Variants in DYNC2H1 observed in about 807,000 individuals in gnomAD.
DYNC2H1 encodes the protein cytoplasmic dynein 2 heavy chain 1.
Under a neutral mutation model 570.0 loss-of-function variants are expected in DYNC2H1, and 410 were observed. That is an observed-to-expected ratio of 0.72 (90% confidence interval 0.66 to 0.78). The LOEUF (loss-of-function observed/expected upper bound fraction) is 0.78. DYNC2H1 is among the 30% of genes least tolerant of loss of function. DYNC2H1 has a pLI of 0.00. For missense variants in DYNC2H1, 4,865 were observed against 5,046.4 expected (o/e 0.96, Z 1.09); for synonymous variants, 1,688 against 1,677.6 (o/e 1.01, Z -0.15).
At chr11:103,473,388 G>A (rs4754942) in intron 88 of DYNC2H1, among the ~76,000 whole-genome samples, 24,603 of 150,048 alleles carry the variant, frequency 0.16, 2,160 homozygotes, top group Admixed American at 0.25. Flanking sequence ...GTTCCAGTTC[G>A]GTGCAGTATT....
In DYNC2H1 at chr11:103,189,561, G is replaced by A; in HGVS notation, c.7293-111G>A. ...CCCCCTGGGTAAGCTTTGGAGATAT[G>A]TAGGTCTTAGAGCAGCACAGTTTCA... On this transcript the variant is annotated intron_variant, in intron 44 of 88. Coordinates refer to ENST00000375735, the MANE Select transcript of DYNC2H1 (RefSeq NM_001377.3). This position sits in a 1 kb window ranked among gnomAD's most constrained non-coding sequence, Gnocchi z 4.3. 9.8e-7 allele frequency: 1 copy of A among 1,021,874 alleles called. No homozygotes were observed. Among genetic ancestry groups the A allele is most frequent in the Non-Finnish European group, 1.4e-6 (1 of 698,158 alleles). 63.3% of individuals were successfully genotyped at this position (1,021,874 alleles called of 1,614,324 possible).
At chr11:103,182,002 G>A (rs1591370924) in intron 40 of DYNC2H1, 116 bp downstream of exon 40, 2 of 1,122,014 alleles carry the variant, frequency 1.8e-6, no homozygotes, top group East Asian at 5.4e-5. Flanking sequence ...GAGGTGAGAG[G>A]TGGATTTTGT....
At chr11:103,144,879 AT>A (rs1488762109) in intron 18 of DYNC2H1, among the ~76,000 whole-genome samples, 27 of 12,780 alleles carry the variant, frequency 2.1e-3, no homozygotes, top group South Asian at 0.017. Flanking sequence ...AATAATGATA[AT>A]TAGTTATTTT....
intron 70 of DYNC2H1, among the ~76,000 whole-genome samples, chr11:103,267,382 T>A (rs182672791): frequency 8.2e-4 from 123 of 150,232 alleles, no homozygotes; most frequent in Middle Eastern, 3.4e-3. Flanking sequence ...TGCCTTCCAC[T>A]CTGTATATTT....
At chr11:103,335,936 T>C (rs1356163828) in intron 82 of DYNC2H1, among the ~76,000 whole-genome samples, 1 of 152,172 alleles carries the variant, frequency 6.6e-6, no homozygotes, top group Admixed American at 6.5e-5. Flanking sequence ...ATCACATCTT[T>C]AGAAAGTTAC....
At chr11:103,475,695 G>A (rs1465170950) in intron 88 of DYNC2H1, among the ~76,000 whole-genome samples, 3 of 152,078 alleles carry the variant, frequency 2.0e-5, no homozygotes, top group South Asian at 4.1e-4. Context: ...TTGTACCCTG[G>A]CTGTAAGACA....
Position 103,222,015 on chromosome 11 carries a change from A to G in DYNC2H1, c.9108-15A>G. The G allele has an allele frequency of 6.2e-7, 1 of 1,602,498 alleles. No individual in the cohort carries two copies. The highest frequency in any genetic ancestry group is 1.3e-5 in the African/African-American group (1 of 74,370). On this transcript the variant is annotated splice_polypyrimidine_tract_variant and intron_variant, in intron 57 of 88. Transcript: ENST00000375735. ...TTTATTTAGCCTCATTTAAGGAAAT[A>G]TGCTTTAATTTTAGTTTCCTTGCAA... is the stretch of plus-strand genomic sequence containing the variant.
intron 83 of DYNC2H1, among the ~76,000 whole-genome samples, chr11:103,391,017 G>A (rs1942123423): frequency 1.3e-5 from 2 of 152,106 alleles, no homozygotes. Context: ...GGCATTCTCT[G>A]TATTTCCTGA....
At chr11:103,296,422 T>C (rs1459731913) in intron 75 of DYNC2H1, among the ~76,000 whole-genome samples, 1 of 152,196 alleles carries the variant, frequency 6.6e-6, no homozygotes, top group Non-Finnish European at 1.5e-5. Flanking sequence ...TGGATAAACA[T>C]GGTGAGTAAT....
rs1380158110 is a variant in DYNC2H1 at position 103,109,617 on chromosome 11, A to C, written c.43A>C (p.Thr15Pro). 3 of 1,613,060 alleles carry C rather than the reference A, an allele frequency of 1.9e-6. No homozygotes were observed. In the African/African-American group the frequency reaches 4.0e-5, roughly 22 times the overall value. The change falls in exon 1 of 89, where the codon ACT (threonine) becomes CCT (proline). Residue 15 changes from threonine to proline, a missense_variant. By Grantham distance (38) the Thr-to-Pro change is conservative. Transcript: ENST00000375735. ...GGACGTTCGGAAGCTCTTCATCTTC[A>C]CTACTACCCAGAATTACTTCGGGTT... ...TADVRKLFIF[T>P]TTQNYFGLMS...
Position 103,152,159 on chromosome 11 carries a change from T to C in DYNC2H1, c.2970T>C (p.Ala990=). Residue 990 remains alanine, a synonymous_variant, in exon 21 of 89, where the codon GCT becomes GCC. Transcript: ENST00000375735. ...AGATTTTGCCCTTATTTCAAGAAGC[T>C]GAAGACAAAAACAGACTTTTACGAA... ...KPEILPLFQE[A]EDKNRLLRTV... is the part of the protein sequence containing the mutation. 1.2e-6 allele frequency: 2 copies of C among 1,606,876 alleles called. No homozygotes were observed. The highest frequency in any genetic ancestry group is 8.5e-7 in the Non-Finnish European group (1 of 1,177,322).
At chr11:103,333,878 C>T (rs1022643121) in intron 82 of DYNC2H1, among the ~76,000 whole-genome samples, 2 of 152,060 alleles carry the variant, frequency 1.3e-5, no homozygotes, top group African/African-American at 4.8e-5. Context: ...ATGTTGAAAA[C>T]ATCTGTAATA....
chr11:103,310,892 G>A (rs1196360255), intron 78 of DYNC2H1, among the ~76,000 whole-genome samples: 2 of 150,958 alleles, frequency 1.3e-5, no homozygotes, highest in Non-Finnish European at 3.0e-5. Context: ...TAGTAGAGGC[G>A]GGTTTCACCA....
intron 47 of DYNC2H1, among the ~76,000 whole-genome samples, chr11:103,194,905 A>C (rs896801311): frequency 2.6e-5 from 4 of 151,592 alleles, no homozygotes; most frequent in African/African-American, 4.9e-5. Context: ...TTTAGTAGAG[A>C]CGCGGTTTCA....
intron 63 of DYNC2H1, among the ~76,000 whole-genome samples, chr11:103,240,014 A>T (rs1297963324): frequency 1.4e-5 from 2 of 144,708 alleles, no homozygotes; most frequent in Non-Finnish European, 3.0e-5. Flanking sequence ...ATCAGCCTTT[A>T]ACTAAATTCA....
rs1366586088 is a variant in DYNC2H1 at position 103,203,031 on chromosome 11, G to A, written c.8198-632G>A. Among the ~76,000 whole-genome samples, 2 of 152,012 alleles carry A rather than the reference G, an allele frequency of 1.3e-5. No homozygotes were observed. Among genetic ancestry groups the A allele is most frequent in the East Asian group, 1.9e-4 (1 of 5,186 alleles). ...TTCATCTTTTCATTCATTCATTTAT[G>A]TAAAACATATTTTTGTTCTAGATAC... is the stretch of plus-strand genomic sequence containing the variant. On this transcript the variant is annotated intron_variant, in intron 50 of 88. Transcript: ENST00000375735. The surrounding 1 kb of genome is among the most constrained non-coding windows in gnomAD (Gnocchi z 4.7).
chr11:103,337,869 G>C (rs1939228526), intron 82 of DYNC2H1, among the ~76,000 whole-genome samples: 1 of 152,088 alleles, frequency 6.6e-6, no homozygotes, highest in South Asian at 2.1e-4. Flanking sequence ...CTGTGCAGAA[G>C]CTTTTTAGCT....
intron 70 of DYNC2H1, among the ~76,000 whole-genome samples, chr11:103,263,145 G>A (rs1591491871): frequency 6.6e-6 from 1 of 151,574 alleles, no homozygotes; most frequent in African/African-American, 2.4e-5. Context: ...TCAATGCAAC[G>A]AGAAGAGCTA....
Position 103,115,254 on chromosome 11 carries a change from A to G in DYNC2H1, c.580A>G (p.Arg194Gly), listed in dbSNP as rs1858325777. Residue 194 changes from arginine to glycine, a missense_variant, in exon 4 of 89, where the codon AGA (arginine) becomes GGA (glycine). Coordinates refer to ENST00000375735, the MANE Select transcript of DYNC2H1 (RefSeq NM_001377.3). ...HRGNKQISKE[R>G]ANYFKELFET... ...TGGAAATAAACAGATTAGTAAAGAA[A>G]GAGCCAATTATTTTAAAGAATTATT... is the stretch of plus-strand genomic sequence containing the variant. 1.9e-6 allele frequency: 3 copies of G among 1,605,552 alleles called. No individual in the cohort carries two copies. The highest frequency in any genetic ancestry group is 2.2e-5 in the East Asian group (1 of 44,712).
Sources: gnomAD v4.1 joint callset for allele counts (sites outside exome capture counted in the v4.1 genomes callset) on GRCh38, gnomAD v4.1.1 for gene constraint, Gnocchi (gnomAD v3.1) non-coding constraint, MANE v1.5 for transcripts, NCBI Gene and HGNC (gene_info 2026-07-23, HGNC 2026-07-21) for gene names.